The following DLC1 variants were observed in gnomAD, a reference collection of about 807,000 sequenced individuals.
The protein encoded by DLC1 is DLC1 Rho GTPase activating protein.
A neutral mutation model predicts 140.3 loss-of-function variants in DLC1; 54 were observed. The ratio of observed to expected loss-of-function variants is 0.38; its 90% confidence interval spans 0.31 to 0.48. DLC1 has a LOEUF of 0.48. Ranked by LOEUF, DLC1 falls within the 20% of genes least tolerant of loss-of-function variation. The pLI is 0.96. For synonymous variants in DLC1, 986 were observed against 728.1 expected, an observed-to-expected ratio of 1.35 and a Z score of -5.70; for missense variants, 2,536 against 1,907.0, an observed-to-expected ratio of 1.33 and a Z score of -6.14.
intron 4 of DLC1, among the ~76,000 whole-genome samples, chr8:13,336,873 A>G (rs1833831557): frequency 7.1e-6 from 1 of 140,896 alleles, no homozygotes; most frequent in African/African-American, 2.6e-5. Context: ...AAATTAACAC[A>G]TTAAGACTGA....
intron 5 of DLC1, among the ~76,000 whole-genome samples, chr8:13,164,034 C>T (rs1272499574): frequency 3.9e-5 from 6 of 152,034 alleles, no homozygotes; most frequent in African/African-American, 1.4e-4. Context: ...TGGTGGCTCA[C>T]ACCTGCAATC....
chr8:13,312,477 A>G (rs1446061251), intron 4 of DLC1, among the ~76,000 whole-genome samples: 1 of 151,426 alleles, frequency 6.6e-6, no homozygotes, highest in Non-Finnish European at 1.5e-5. Flanking sequence ...TGAATTTTTA[A>G]TGATAATATT....
intron 1 of DLC1, among the ~76,000 whole-genome samples, chr8:13,553,456 C>G (rs1159076701): frequency 6.6e-6 from 1 of 151,522 alleles, no homozygotes; most frequent in Admixed American, 6.6e-5. Context: ...ACACAATCCT[C>G]TCTTGATTAC....
intron 15 of DLC1, 53 bp downstream of exon 15, chr8:13,090,198 GA>G: frequency 6.7e-7 from 1 of 1,499,866 alleles, no homozygotes; most frequent in Non-Finnish European, 9.0e-7. Flanking sequence ...ATCTCTGATG[GA>G]CCCAAGCTTC....
intron 1 of DLC1, among the ~76,000 whole-genome samples, chr8:13,524,164 A>G (rs1196696347): frequency 6.7e-6 from 1 of 148,232 alleles, no homozygotes; most frequent in African/African-American, 2.5e-5. Context: ...TTGAGTCAGA[A>G]TCTCACTCTG....
At chr8:13,511,229 G>A (rs142227785) in intron 1 of DLC1, among the ~76,000 whole-genome samples, 5 of 152,170 alleles carry the variant, frequency 3.3e-5, no homozygotes, top group African/African-American at 1.2e-4. Context: ...AGCTAATACA[G>A]AAACAACCTT....
intron 7 of DLC1, among the ~76,000 whole-genome samples, chr8:13,104,182 A>G (rs1819352874): frequency 6.6e-6 from 1 of 152,130 alleles, no homozygotes; most frequent in African/African-American, 2.4e-5. Flanking sequence ...TGCGTACTGT[A>G]ACTTCAAGGA....
intron 5 of DLC1, among the ~76,000 whole-genome samples, chr8:13,120,350 A>T (rs1563637866): frequency 6.6e-5 from 1 of 15,148 alleles, no homozygotes; most frequent in South Asian, 2.6e-3. Context: ...CGCAAAAAAA[A>T]AAAAAAATAT....
At position 13,468,181 on chromosome 8, in the gene DLC1, C is replaced by G. The variant is rs555696982; in HGVS notation, c.1023+30868G>C. Among the ~76,000 whole-genome samples, 10 of 152,268 alleles carry G rather than the reference C, an allele frequency of 6.6e-5. No individual in the cohort carries two copies. In the South Asian group the frequency reaches 2.1e-3, roughly 32 times the overall value. On this transcript the variant is annotated intron_variant, in intron 2 of 17. Transcript: ENST00000276297. The stretch of plus-strand genomic sequence containing the variant: ...TATAATTTTCCTCAATTCCATTTAG[C>G]TAAGTAATACTTTTCCAGTAATTTG...
chr8:13,194,789 C>G (rs1563154918), intron 5 of DLC1, among the ~76,000 whole-genome samples: 1 of 152,302 alleles, frequency 6.6e-6, no homozygotes, highest in East Asian at 1.9e-4. Context: ...GGGAGGATTT[C>G]TTGATCTCAG....
In DLC1 at chr8:13,275,216, T is replaced by C. The variant is rs552503084; in HGVS notation, c.1348+30053A>G. Among the ~76,000 whole-genome samples, 5 of 152,356 alleles carry C rather than the reference T, an allele frequency of 3.3e-5. No homozygotes were observed. The East Asian group carries it at 9.6e-4, about 29-fold the overall frequency. ...AGTTTATGAGGGCATGAAACTACCA[T>C]GTTATCTTCACAATCTGCTTTATCA... On this transcript the variant is annotated intron_variant, in intron 5 of 17. Coordinates refer to ENST00000276297, the MANE Select transcript of DLC1 (RefSeq NM_182643.3).
intron 5 of DLC1, among the ~76,000 whole-genome samples, chr8:13,173,655 C>T (rs996413038): frequency 1.3e-5 from 2 of 152,212 alleles, no homozygotes; most frequent in South Asian, 2.1e-4. Context: ...CAGGCTTGAG[C>T]CACCGCGCCC....
At chr8:13,109,552 G>A (rs114147917) in intron 7 of DLC1, among the ~76,000 whole-genome samples, 1,512 of 146,732 alleles carry the variant, frequency 0.01, 19 homozygotes, top group African/African-American at 0.036. Flanking sequence ...GTGAGACCTT[G>A]TCTTTAAAAA....
At chr8:13,194,267 C>T (rs1267630115) in intron 5 of DLC1, among the ~76,000 whole-genome samples, 1 of 152,252 alleles carries the variant, frequency 6.6e-6, no homozygotes, top group East Asian at 1.9e-4. Context: ...ATCAGAACAG[C>T]TTCCAAGGCC....
At chr8:13,137,644 C>T (rs1024847410) in intron 5 of DLC1, among the ~76,000 whole-genome samples, 1 of 149,970 alleles carries the variant, frequency 6.7e-6, no homozygotes, top group African/African-American at 2.5e-5. Flanking sequence ...TCTTGTCACC[C>T]AGACTGGAGT....
chr8:13,117,748 TAGTC>T (rs1380849279), intron 5 of DLC1, among the ~76,000 whole-genome samples: 4 of 152,212 alleles, frequency 2.6e-5, no homozygotes, highest in East Asian at 3.9e-4. Flanking sequence ...TTTTTGACGA[TAGTC>T]AGACACGGCA....
At chr8:13,592,417 T>G (rs1352874486) in intron 1 of DLC1, among the ~76,000 whole-genome samples, 1 of 152,114 alleles carries the variant, frequency 6.6e-6, no homozygotes, top group Non-Finnish European at 1.5e-5. Flanking sequence ...TTTCTCCCAT[T>G]TTTTGTAGCA....
intron 5 of DLC1, among the ~76,000 whole-genome samples, chr8:13,154,624 G>C (rs1250526000): frequency 2.0e-5 from 3 of 152,200 alleles, no homozygotes; most frequent in African/African-American, 7.2e-5. Context: ...TCTGGTCTCA[G>C]CCAGCCCAGA....
At chr8:13,214,253 G>C (rs1828083226) in intron 5 of DLC1, 2 of 183,662 alleles carry the variant, frequency 1.1e-5, no homozygotes, top group South Asian at 2.6e-4. Context: ...GTTAAAGAGA[G>C]TGGAACGTAT....
Sources: gnomAD v4.1 joint callset for allele counts (sites outside exome capture counted in the v4.1 genomes callset) on GRCh38, gnomAD v4.1.1 for gene constraint, MANE v1.5 for transcripts, NCBI Gene and HGNC (gene_info 2026-07-23, HGNC 2026-07-21) for gene names.